Variants in ERCC3 observed in about 807,000 individuals in gnomAD.
ERCC3 encodes general transcription and DNA repair factor IIH helicase/translocase subunit XPB.
Under a neutral mutation model 94.2 loss-of-function variants are expected in ERCC3, and 66 were observed. That is an observed-to-expected ratio of 0.70 (90% CI 0.57 to 0.86). ERCC3 has a LOEUF of 0.86. Among genes scored for constraint, ERCC3 ranks in the 40% least tolerant of loss-of-function variants. The pLI is 0.00. For synonymous variants in ERCC3, 349 were observed against 369.1 expected (o/e 0.95, Z 0.63); for missense variants, 829 against 987.1 (o/e 0.84, Z 2.15).
intron 13 of ERCC3, chr2:127,260,460 TC>T (rs1431234328): frequency 6.6e-6 from 1 of 152,256 alleles, no homozygotes; most frequent in African/African-American, 2.4e-5. Flanking sequence ...AAGCATCTTG[TC>T]CTCTAGGCCA....
Position 127,272,971 on chromosome 2 carries a change from A to G in ERCC3, c.1731-10T>C. Reference sequence around the variant, plus strand: ...TCCGTAGATATAGGGTCTAGAGAAGAATGAAGCTGTGTTAGACCACAGAAT... The same window carrying G: ...TCCGTAGATATAGGGTCTAGAGAAGGATGAAGCTGTGTTAGACCACAGAAT... On this transcript the variant is annotated splice_polypyrimidine_tract_variant and intron_variant, in intron 10 of 14. Transcript: ENST00000285398. The G allele has an allele frequency of 1.3e-6, 2 of 1,547,268 alleles. No homozygotes were observed. The highest frequency in any genetic ancestry group is 1.8e-6 in the Non-Finnish European group (2 of 1,119,166).
rs2104768071 is a variant in ERCC3, at chr2:127,284,908, A to G, written c.1342+1795T>C. Among the ~76,000 whole-genome samples the G allele has an allele frequency of 6.6e-6, 1 of 152,278 alleles. No homozygotes were observed. Among genetic ancestry groups the G allele is most frequent in the Middle Eastern group, 3.4e-3 (1 of 294 alleles). Reference sequence around the variant, plus strand: ...CACTATGTTACCCAGGCTAATCTTAAGCTCCTGGGCTCAAGCAATCCTCCT... The same window carrying G: ...CACTATGTTACCCAGGCTAATCTTAGGCTCCTGGGCTCAAGCAATCCTCCT... On this transcript the variant is annotated intron_variant, in intron 8 of 14. Transcript: ENST00000285398. The surrounding 1 kb of genome is among the most constrained non-coding windows in gnomAD (Gnocchi z 4.1).
At chr2:127,266,709 A>ATTTT (rs960627621) in intron 12 of ERCC3, among the ~76,000 whole-genome samples, 2,063 of 87,242 alleles carry the variant, frequency 0.024, 8 homozygotes, top group African/African-American at 0.047. Context: ...ATGATCAATT[A>ATTTT]TTTTTTTTTT....
chr2:127,289,875 G>GTCAGT, intron 4 of ERCC3, 51 bp from the exon 5 acceptor site: 1 of 1,596,038 alleles, frequency 6.3e-7, no homozygotes, highest in African/African-American at 1.3e-5. Flanking sequence ...GTACCTCCTG[G>GTCAGT]AGATTCCACT....
intron 7 of ERCC3, among the ~76,000 whole-genome samples, chr2:127,287,254 C>T (rs1174984186): frequency 6.6e-6 from 1 of 152,184 alleles, no homozygotes; most frequent in Non-Finnish European, 1.5e-5. Flanking sequence ...TAGCACTTTA[C>T]ACACATCTCA....
At chr2:127,266,023 A>C (rs777395737) in intron 12 of ERCC3, among the ~76,000 whole-genome samples, 2 of 150,278 alleles carry the variant, frequency 1.3e-5, no homozygotes, top group Non-Finnish European at 3.0e-5. Flanking sequence ...TCCTGCCTTA[A>C]TTTGTTTATC....
intron 8 of ERCC3, among the ~76,000 whole-genome samples, 179 bp downstream of exon 8, chr2:127,286,524 T>C (rs1685071166): frequency 6.7e-6 from 1 of 150,228 alleles, no homozygotes; most frequent in Non-Finnish European, 1.5e-5. Flanking sequence ...CCAGCTTGGG[T>C]GACAGAGTGA....
chr2:127,277,885 G>A lies in ERCC3; in HGVS notation c.1730+1288C>T, dbSNP rs1327033187. Among the ~76,000 whole-genome samples, 1 of 152,180 alleles carries A rather than the reference G, an allele frequency of 6.6e-6. No individual in the cohort carries two copies. Among genetic ancestry groups the A allele is most frequent in the East Asian group, 1.9e-4 (1 of 5,204 alleles). On this transcript the variant is annotated intron_variant, in intron 10 of 14. Coordinates refer to ENST00000285398, the MANE Select transcript of ERCC3 (RefSeq NM_000122.2). This position sits in a 1 kb window ranked among gnomAD's most constrained non-coding sequence, Gnocchi z 5.1. ...AAACCCTCAACTCCTACAGTAGGAAGTTAATAGGCAATTTCTATAACTGAT... is the reference window on the plus strand; with the variant it reads ...AAACCCTCAACTCCTACAGTAGGAAATTAATAGGCAATTTCTATAACTGAT...
intron 2 of ERCC3, 60 bp from the exon 3 acceptor site, chr2:127,292,906 C>T (rs1685324907): frequency 9.4e-7 from 1 of 1,066,488 alleles, no homozygotes; most frequent in Non-Finnish European, 1.5e-6. Context: ...GACTACTGGG[C>T]TCTTGCCCAT....
Position 127,289,738 on chromosome 2 carries a change from T to C in ERCC3, c.608A>G (p.Glu203Gly). 1.2e-6 allele frequency: 2 copies of C among 1,614,124 alleles called. No homozygotes were observed. Among genetic ancestry groups the C allele is most frequent in the South Asian group, 2.2e-5 (2 of 91,072 alleles). ...TGTGATGAGCTCAGTGGCCTCCCCT[T>C]CAGAGTTTCTTAAGCGGCATTCTCG... ...VIRECRLRNS[E>G]GEATELITET... Residue 203 changes from glutamate to glycine, a missense_variant, in exon 5 of 15, where the codon GAA (glutamate) becomes GGA (glycine). By Grantham distance (98) the Glu-to-Gly change is moderately conservative (BLOSUM62 -2). Transcript: ENST00000285398.
In ERCC3 at chr2:127,257,716, G is replaced by C. The variant is rs749177988; in HGVS notation, c.2229C>G (p.Arg743=). The change falls in exon 15 of 15, where the codon CGC becomes CGG. Residue 743 remains arginine, a synonymous_variant. Transcript: ENST00000285398. This position sits in a 1 kb window ranked among gnomAD's most constrained non-coding sequence, Gnocchi z 5.4. ...FGSRSSQASR[R]FGTMSSMSGA... is the part of the protein sequence containing the mutation. ...CAGACATAGAACTCATGGTGCCAAAGCGCCGAGATGCCTGCCGGGAAGGGG... is the reference window on the plus strand; with the variant it reads ...CAGACATAGAACTCATGGTGCCAAACCGCCGAGATGCCTGCCGGGAAGGGG... The C allele has an allele frequency of 6.8e-6, 11 of 1,614,180 alleles. No homozygotes were observed. The highest frequency in any genetic ancestry group is 9.3e-6 in the Non-Finnish European group (11 of 1,180,030).
intron 8 of ERCC3, among the ~76,000 whole-genome samples, chr2:127,285,281 C>G (rs1458074881): frequency 6.6e-6 from 1 of 152,078 alleles, no homozygotes; most frequent in Admixed American, 6.6e-5. Flanking sequence ...TCATGGTGGC[C>G]GAATGCAGTG....
intron 8 of ERCC3, among the ~76,000 whole-genome samples, chr2:127,282,801 A>G (rs1306347260): frequency 6.6e-6 from 1 of 152,232 alleles, no homozygotes; most frequent in Non-Finnish European, 1.5e-5. Context: ...TAGACGAGAG[A>G]CAGACAAACT....
intron 3 of ERCC3, 76 bp from the exon 4 acceptor site, chr2:127,290,349 A>C: frequency 8.4e-7 from 1 of 1,187,660 alleles, no homozygotes; most frequent in South Asian, 1.2e-5. Flanking sequence ...CACATCTTAC[A>C]CCTACCAACC....
chr2:127,293,402 G>GC, intron 2 of ERCC3, 111 bp downstream of exon 2: 3 of 1,009,066 alleles, frequency 3.0e-6, no homozygotes, highest in Non-Finnish European at 4.5e-6. Context: ...TTCTCTCCCG[G>GC]CCAGTTCTAG....
rs1229554963 is a variant in ERCC3 at position 127,290,222 on chromosome 2, A to T, written c.521+2T>A. 1 of 1,613,126 alleles carries T rather than the reference A, an allele frequency of 6.2e-7. No homozygotes were observed. On this transcript the variant is annotated splice_donor_variant, in intron 4 of 14. Coordinates refer to ENST00000285398, the MANE Select transcript of ERCC3 (RefSeq NM_000122.2). LOFTEE classifies it high-confidence loss of function. ...GGACAGGCCTGTCATGGAATCTCTT[A>T]CCTGTTGTGCTTCAAGACCAGCTTG...
chr2:127,259,271 G>C lies in ERCC3; in HGVS notation c.2217+25C>G. 1 of 1,613,920 alleles carries C rather than the reference G, an allele frequency of 6.2e-7. No homozygotes were observed. Among genetic ancestry groups the C allele is most frequent in the South Asian group, 1.1e-5 (1 of 91,056 alleles). On this transcript the variant is annotated intron_variant, in intron 14 of 14. Transcript: ENST00000285398. The surrounding 1 kb of genome is among the most constrained non-coding windows in gnomAD (Gnocchi z 4.9). ...CTGCCCTGTGAGAGCACTGACACCT[G>C]GAACCTCCTCACCCATTTACTCACC...
chr2:127,259,410 C>T lies in ERCC3; in HGVS notation c.2103G>A (p.Leu701=). The change falls in exon 14 of 15, where the codon TTG becomes TTA. Residue 701 remains leucine, a synonymous_variant. Transcript: ENST00000285398. The surrounding 1 kb of genome is among the most constrained non-coding windows in gnomAD (Gnocchi z 4.9). ...TKLAGMEEED[L]AFSTKEEQQQ... is the part of the protein sequence containing the mutation. ...GTTGCTCTTCTTTTGTCGAAAACGC[C>T]AAGTCTTCCTCCTCCATGCCAGCGA... 6.2e-7 allele frequency: 1 copy of T among 1,614,180 alleles called. No homozygotes were observed. The highest frequency in any genetic ancestry group is 8.5e-7 in the Non-Finnish European group (1 of 1,180,036).
chr2:127,267,295 A>G (rs766896099), intron 12 of ERCC3, among the ~76,000 whole-genome samples: 8 of 152,152 alleles, frequency 5.3e-5, no homozygotes, highest in Admixed American at 3.9e-4. Context: ...GGGCGCATAT[A>G]TATTTAGGAT....
Sources: allele counts gnomAD v4.1 joint callset (sites outside exome capture counted in the v4.1 genomes callset), GRCh38; gene constraint gnomAD v4.1.1; non-coding constraint Gnocchi (gnomAD v3.1); transcripts MANE v1.5; gene names NCBI Gene and HGNC (gene_info 2026-07-23, HGNC 2026-07-21).